The following ADAMTSL1 variants were observed in gnomAD, a reference collection of about 807,000 sequenced individuals.
ADAMTSL1 encodes ADAMTS-like protein 1.
A neutral mutation model predicts 201.8 loss-of-function variants in ADAMTSL1; 126 were observed. The observed-to-expected ratio is 0.62, with a 90% confidence interval of 0.54 to 0.72. ADAMTSL1 has a LOEUF of 0.72. ADAMTSL1 is among the 30% of genes least tolerant of loss of function. The pLI, the probability that ADAMTSL1 is intolerant of heterozygous loss-of-function variation, is 0.00. For missense variants in ADAMTSL1, 2,679 were observed against 2,277.8 expected (o/e 1.18, Z -3.59); for synonymous variants, 1,121 against 903.4 (o/e 1.24, Z -4.32).
intron 1 of ADAMTSL1, among the ~76,000 whole-genome samples, chr9:17,996,021 A>G (rs1819364660): frequency 1.3e-5 from 2 of 152,058 alleles, no homozygotes; most frequent in African/African-American, 4.8e-5. Context: ...CAAGTGCTTT[A>G]TAAATGTGGG....
intron 1 of ADAMTSL1, among the ~76,000 whole-genome samples, chr9:18,162,747 G>T (rs895381038): frequency 6.6e-6 from 1 of 151,786 alleles, no homozygotes; most frequent in Non-Finnish European, 1.5e-5. Flanking sequence ...CCATAAAAAG[G>T]TATAAAATGC....
chr9:18,703,697 C>CATATATATATATAT (rs1832056802), intron 13 of ADAMTSL1, among the ~76,000 whole-genome samples: 3 of 31,014 alleles, frequency 9.7e-5, no homozygotes, highest in Non-Finnish European at 1.4e-4. Context: ...TGCATGCGCA[C>CATATATATATATAT]ATACATATAT....
intron 2 of ADAMTSL1, among the ~76,000 whole-genome samples, chr9:18,238,173 G>A (rs1181489255): frequency 6.6e-6 from 1 of 152,142 alleles, no homozygotes; most frequent in African/African-American, 2.4e-5. Flanking sequence ...TTTTTTAAGA[G>A]AGCTTTAATG....
chr9:18,128,562 C>T (rs1825829307), intron 1 of ADAMTSL1, among the ~76,000 whole-genome samples: 1 of 152,116 alleles, frequency 6.6e-6, no homozygotes, highest in East Asian at 1.9e-4. Context: ...CTGCCCGCCT[C>T]AGCCTCCCAA....
intron 1 of ADAMTSL1, among the ~76,000 whole-genome samples, chr9:18,108,851 C>G (rs1413068266): frequency 6.6e-6 from 1 of 151,748 alleles, no homozygotes; most frequent in Non-Finnish European, 1.5e-5. Context: ...AAGTAAAAAT[C>G]ATCAGAATAC....
At chr9:18,037,683 A>T (rs1242423233) in intron 1 of ADAMTSL1, among the ~76,000 whole-genome samples, 2 of 152,158 alleles carry the variant, frequency 1.3e-5, no homozygotes, top group Non-Finnish European at 2.9e-5. Context: ...TTGGAACCCA[A>T]ATCCTGATGC....
intron 1 of ADAMTSL1, among the ~76,000 whole-genome samples, chr9:17,999,157 T>G (rs1819507374): frequency 6.6e-6 from 1 of 152,072 alleles, no homozygotes; most frequent in South Asian, 2.1e-4. Flanking sequence ...TGTGTGATTG[T>G]GATAATGAAC....
chr9:18,019,217 C>T (rs1820381672), intron 1 of ADAMTSL1, among the ~76,000 whole-genome samples: 1 of 151,886 alleles, frequency 6.6e-6, no homozygotes, highest in African/African-American at 2.4e-5. Flanking sequence ...GAAGATTCTG[C>T]CTGGTTTCTT....
intron 1 of ADAMTSL1, among the ~76,000 whole-genome samples, chr9:18,117,510 A>G (rs932275805): frequency 4.6e-5 from 7 of 152,082 alleles, no homozygotes; most frequent in Admixed American, 4.6e-4. Context: ...AGCCTCCTTT[A>G]AATCTTAGCT....
intron 2 of ADAMTSL1, among the ~76,000 whole-genome samples, chr9:18,214,974 C>T (rs930808781): frequency 7.9e-5 from 12 of 151,986 alleles, no homozygotes; most frequent in Admixed American, 2.6e-4. Flanking sequence ...TGAGCAACAT[C>T]CTGCTGTGTT....
At chr9:18,644,086 C>A (rs757113737) in intron 7 of ADAMTSL1, among the ~76,000 whole-genome samples, 1 of 151,698 alleles carries the variant, frequency 6.6e-6, no homozygotes, top group African/African-American at 2.4e-5. Flanking sequence ...GTGTCTTTCA[C>A]TTTCTTGATT....
At chr9:18,555,813 G>A (rs1018263694) in intron 3 of ADAMTSL1, among the ~76,000 whole-genome samples, 2 of 151,966 alleles carry the variant, frequency 1.3e-5, no homozygotes, top group African/African-American at 4.8e-5. Context: ...CCAACATCAA[G>A]TGTGGGCTGG....
At chr9:18,274,451 G>T (rs1306013810) in intron 2 of ADAMTSL1, among the ~76,000 whole-genome samples, 2 of 152,020 alleles carry the variant, frequency 1.3e-5, no homozygotes, top group Non-Finnish European at 1.5e-5. Flanking sequence ...TATAGAAATT[G>T]ATTATATCCT....
intron 1 of ADAMTSL1, among the ~76,000 whole-genome samples, chr9:18,129,820 A>T (rs563290978): frequency 6.6e-6 from 1 of 152,314 alleles, no homozygotes; most frequent in South Asian, 2.1e-4. Context: ...TGTGTCTTGC[A>T]CGGCCAACAA....
intron 2 of ADAMTSL1, among the ~76,000 whole-genome samples, chr9:18,301,485 T>A (rs1833708862): frequency 6.6e-6 from 1 of 152,194 alleles, no homozygotes. Flanking sequence ...CACTTTTACA[T>A]GCCTAATAAC....
At chr9:18,853,413 T>C (rs1316698405) in intron 23 of ADAMTSL1, among the ~76,000 whole-genome samples, 2 of 152,120 alleles carry the variant, frequency 1.3e-5, no homozygotes, top group Admixed American at 1.3e-4. Flanking sequence ...TGGTTAGGGA[T>C]GCAATCCTAG....
chr9:18,627,900 A>G (rs556692490), intron 5 of ADAMTSL1, among the ~76,000 whole-genome samples: 1 of 152,314 alleles, frequency 6.6e-6, no homozygotes, highest in African/African-American at 2.4e-5. Flanking sequence ...CATCTTTTGC[A>G]TAGTGTCAGT....
At chr9:18,859,083 A>C (rs1827043222) in intron 23 of ADAMTSL1, among the ~76,000 whole-genome samples, 1 of 152,246 alleles carries the variant, frequency 6.6e-6, no homozygotes, top group African/African-American at 2.4e-5. Flanking sequence ...TGAAATCTGT[A>C]TTAACTTGAT....
intron 9 of ADAMTSL1, among the ~76,000 whole-genome samples, chr9:18,664,540 A>G (rs1468863910): frequency 2.0e-5 from 3 of 152,106 alleles, no homozygotes; most frequent in African/African-American, 4.8e-5. Context: ...GAAATTTATT[A>G]TATCTAGCCA....
Sources: allele counts gnomAD v4.1 joint callset (sites outside exome capture counted in the v4.1 genomes callset), GRCh38; gene constraint gnomAD v4.1.1; transcripts MANE v1.5; gene names NCBI Gene and HGNC (gene_info 2026-07-23, HGNC 2026-07-21).